Variants in CEP63 observed in about 807,000 individuals in gnomAD.
CEP63 encodes the protein centrosomal protein 63.
Under a neutral mutation model 89.1 loss-of-function variants are expected in CEP63, and 84 were observed. The observed-to-expected ratio is 0.94, with a 90% CI of 0.79 to 1.13. The LOEUF is 1.13. Ranked by LOEUF, CEP63 falls within the 50% of genes most tolerant of loss-of-function variation. CEP63 has a pLI of 0.00. For missense variants in CEP63, 838 were observed against 813.3 expected (o/e 1.03, Z -0.37); for synonymous variants, 267 against 272.5 (o/e 0.98, Z 0.20).
At chr3:134,743,999 G>T in the CEP63 span, among the ~76,000 whole-genome samples, 1 of 152,236 alleles carries the variant, frequency 6.6e-6, no homozygotes, top group East Asian at 1.9e-4. Flanking sequence ...GTTGGACCAT[G>T]CTGAACTACT....
At chr3:134,640,331 C>T in the CEP63 span, among the ~76,000 whole-genome samples, 8 of 152,146 alleles carry the variant, frequency 5.3e-5, no homozygotes, top group Non-Finnish European at 8.8e-5. Flanking sequence ...AGCCCACAGA[C>T]ATGGGTTCAA....
chr3:134,667,677 A>G, the CEP63 span, among the ~76,000 whole-genome samples: 1 of 152,298 alleles, frequency 6.6e-6, no homozygotes, highest in South Asian at 2.1e-4. Context: ...AGTGGTGGGC[A>G]TGATGGTGGC....
chr3:134,531,806 T>C (rs755144844), intron 3 of CEP63, 39 bp from the exon 4 acceptor site: 1 of 1,358,844 alleles, frequency 7.4e-7, no homozygotes, highest in South Asian at 1.2e-5. Flanking sequence ...GTTATTTCAA[T>C]GCTAATAGTG....
At chr3:134,539,245 A>G (rs1951497792) in intron 6 of CEP63, among the ~76,000 whole-genome samples, 1 of 152,202 alleles carries the variant, frequency 6.6e-6, no homozygotes, top group Admixed American at 6.5e-5. Context: ...TAATTATGGT[A>G]AAATACACAT....
chr3:134,629,809 G>T, the CEP63 span: 3 of 671,808 alleles, frequency 4.5e-6, no homozygotes, highest in Non-Finnish European at 2.6e-6. Context: ...TCTTTTGTGT[G>T]TACAAATCAT....
the CEP63 span, among the ~76,000 whole-genome samples, chr3:134,776,435 G>C: frequency 5.3e-5 from 8 of 151,940 alleles, no homozygotes; most frequent in Non-Finnish European, 8.8e-5. Flanking sequence ...CTTGGGATCT[G>C]GTGTATATTA....
intron 6 of CEP63, among the ~76,000 whole-genome samples, chr3:134,539,811 T>C (rs1287655271): frequency 6.6e-6 from 1 of 152,212 alleles, no homozygotes; most frequent in Non-Finnish European, 1.5e-5. Context: ...TTTAATCAGC[T>C]ATTAAAATTA....
rs1469561268 is a variant in CEP63, at chr3:134,560,167, C to G, written c.1953+738C>G. Among the ~76,000 whole-genome samples, 5 of 152,326 alleles carry G rather than the reference C, an allele frequency of 3.3e-5. No individual in the cohort carries two copies. In the East Asian group the frequency reaches 5.8e-4, roughly 18 times the overall value. ...TTTTTGGCACCAGAACTTTCCCTGG[C>G]CTGAACTGATGTGTTAGTATGTATA... is the stretch of plus-strand genomic sequence containing the variant. On this transcript the variant is annotated intron_variant, in intron 14 of 14. Coordinates refer to ENST00000675561, the MANE Select transcript of CEP63 (RefSeq NM_001353108.3).
chr3:134,709,431 C>T, the CEP63 span, among the ~76,000 whole-genome samples: 11 of 134,524 alleles, frequency 8.2e-5, no homozygotes, highest in East Asian at 2.5e-3. Flanking sequence ...TATGATCAGT[C>T]ATAGGACATG....
the CEP63 span, among the ~76,000 whole-genome samples, chr3:134,739,905 C>T: frequency 6.6e-6 from 1 of 152,152 alleles, no homozygotes; most frequent in African/African-American, 2.4e-5. Flanking sequence ...AGACAATGCC[C>T]ATCACCTCCT....
chr3:134,669,822 G>A, the CEP63 span, among the ~76,000 whole-genome samples: 1 of 152,150 alleles, frequency 6.6e-6, no homozygotes, highest in Admixed American at 6.5e-5. Context: ...AGGTTTTAAT[G>A]GTTACCAACT....
At chr3:134,559,030 C>A in intron 13 of CEP63, 120 bp from the exon 14 acceptor site, 1 of 988,300 alleles carries the variant, frequency 1.0e-6, no homozygotes, top group Non-Finnish European at 1.5e-6. Flanking sequence ...GAGTAGGTTG[C>A]TCATTTTGTA....
chr3:134,760,204 G>A, the CEP63 span, among the ~76,000 whole-genome samples: 35 of 151,884 alleles, frequency 2.3e-4, no homozygotes, highest in East Asian at 6.4e-3. Context: ...GACTACAGGC[G>A]CCCGCCACCA....
chr3:134,645,828 T>A, the CEP63 span, among the ~76,000 whole-genome samples: 1 of 152,240 alleles, frequency 6.6e-6, no homozygotes, highest in Non-Finnish European at 1.5e-5. Flanking sequence ...AGTCTTATAA[T>A]GGTCTTGTAA....
the CEP63 span, chr3:134,629,548 G>T: frequency 8.5e-7 from 1 of 1,173,310 alleles, no homozygotes; most frequent in Non-Finnish European, 1.2e-6. Flanking sequence ...TGCTTGGGCT[G>T]GGATCTGGCC....
chr3:134,691,627 AT>A, the CEP63 span, among the ~76,000 whole-genome samples: 5 of 152,150 alleles, frequency 3.3e-5, no homozygotes, highest in Non-Finnish European at 5.9e-5. Context: ...CAAAAAAAAA[AT>A]ATTTCTCAGT....
At chr3:134,725,860 C>T in the CEP63 span, among the ~76,000 whole-genome samples, 1 of 152,200 alleles carries the variant, frequency 6.6e-6, no homozygotes, top group East Asian at 1.9e-4. Flanking sequence ...GCTCACAGGC[C>T]CTGGCAGGTC....
chr3:134,705,954 A>T, the CEP63 span, among the ~76,000 whole-genome samples: 1 of 152,158 alleles, frequency 6.6e-6, no homozygotes, highest in East Asian at 1.9e-4. Flanking sequence ...TTGATTATAA[A>T]CCAGGAATAT....
At chr3:134,665,696 C>CAG in the CEP63 span, among the ~76,000 whole-genome samples, 689 of 88,222 alleles carry the variant, frequency 7.8e-3, 6 homozygotes, top group African/African-American at 0.026. Flanking sequence ...CACACACACA[C>CAG]ACACACAGAG....
Sources: gnomAD v4.1 joint callset for allele counts (sites outside exome capture counted in the v4.1 genomes callset) on GRCh38, gnomAD v4.1.1 for gene constraint, MANE v1.5 for transcripts, NCBI Gene and HGNC (gene_info 2026-07-23, HGNC 2026-07-21) for gene names.